The following JAKMIP3 variants were observed in gnomAD, a reference collection of about 807,000 sequenced individuals.
JAKMIP3 encodes janus kinase and microtubule-interacting protein 3.
JAKMIP3 carries 58 observed loss-of-function variants against 118.5 expected under a neutral mutation model. The ratio of observed to expected loss-of-function variants is 0.49; its 90% CI spans 0.40 to 0.61. JAKMIP3 has a LOEUF of 0.61. Ranked by LOEUF, JAKMIP3 falls within the 20% of genes least tolerant of loss-of-function variation. JAKMIP3 has a pLI of 0.00. For synonymous variants in JAKMIP3, 486 were observed against 451.2 expected, an observed-to-expected ratio of 1.08 and a Z score of -0.98; for missense variants, 950 against 1,109.0, an observed-to-expected ratio of 0.86 and a Z score of 2.04.
chr10:132,117,269 G>A lies in JAKMIP3; in HGVS notation c.328G>A (p.Asp110Asn). The A allele has an allele frequency of 1.2e-6, 2 of 1,613,964 alleles. No individual in the cohort carries two copies. Among genetic ancestry groups the A allele is most frequent in the Non-Finnish European group, 1.7e-6 (2 of 1,179,878 alleles). The part of the protein sequence containing the change: ...AELLRVIKIK[D>N]NENQRLQALL... The stretch of plus-strand genomic sequence containing the variant: ...GCTGCTCAGGGTCATCAAGATCAAG[G>A]ACAACGAGAACCAGCGGCTGCAGGC... Residue 110 changes from aspartate to asparagine, a missense_variant, in exon 3 of 24, where the codon GAC becomes AAC. Asp to Asn is a conservative substitution (Grantham distance 23). Transcript: ENST00000684848. This position sits in a 1 kb window ranked among gnomAD's most constrained non-coding sequence, Gnocchi z 8.6.
chr10:132,177,173 T>A (rs758124811), intron 23 of JAKMIP3, among the ~76,000 whole-genome samples: 19 of 152,216 alleles, frequency 1.2e-4, no homozygotes, highest in Non-Finnish European at 2.5e-4. Context: ...AATGCAACCA[T>A]CTTGGTTAAA....
At chr10:132,059,827 A>G (rs1449815980), upstream of JAKMIP3, among the ~76,000 whole-genome samples, 3 of 152,254 alleles carry the variant, frequency 2.0e-5, no homozygotes, top group Non-Finnish European at 4.4e-5. Context: ...ATTCCCAGAT[A>G]TAAGCTGACT....
At chr10:132,136,958 A>ACTGTGT (rs2135787315) in intron 6 of JAKMIP3, 61 bp from the exon 7 acceptor site, 1 of 1,567,690 alleles carries the variant, frequency 6.4e-7, no homozygotes. Flanking sequence ...CCGCCGACCC[A>ACTGTGT]CTGTGTTCAG....
intron 19 of JAKMIP3, among the ~76,000 whole-genome samples, chr10:132,160,949 G>A (rs1589994943): frequency 2.0e-4 from 1 of 4,968 alleles, no homozygotes; most frequent in Non-Finnish European, 3.6e-4. Flanking sequence ...ATGCTGGGTG[G>A]GCCTCTCCCT....
chr10:132,105,639 C>A (rs1457516881), intron 2 of JAKMIP3, among the ~76,000 whole-genome samples: 1 of 152,212 alleles, frequency 6.6e-6, no homozygotes, highest in Non-Finnish European at 1.5e-5. Context: ...TCTAGCATGA[C>A]CTTTGCCCTC....
At chr10:132,052,397 T>A (rs2038127280) in intron 1 of JAKMIP3, among the ~76,000 whole-genome samples, 1 of 152,240 alleles carries the variant, frequency 6.6e-6, no homozygotes, top group African/African-American at 2.4e-5. Context: ...TTTTCTTATG[T>A]AGATCTAGAT....
chr10:132,174,597 C>T (rs78581945), intron 23 of JAKMIP3, among the ~76,000 whole-genome samples: 22,435 of 152,124 alleles, frequency 0.15, 1,814 homozygotes, highest in Middle Eastern at 0.16. Context: ...GGTTTTTTCA[C>T]GAAAGCAAGT....
rs112852314 is a variant in JAKMIP3, at chr10:132,080,355, C to T, written c.-138+14294C>T. On this transcript the variant is annotated intron_variant, in intron 1 of 23. Coordinates refer to ENST00000684848, the MANE Select transcript of JAKMIP3 (RefSeq NM_001323087.2). ...GTGAGGTGGCGTTGCATAGTGGTTT[C>T]GATTTGCACTTTCCTGACAATTTGT... Among the ~76,000 whole-genome samples, 354 of 152,040 alleles carry T rather than the reference C, an allele frequency of 2.3e-3. 5 individuals are homozygous for T. The highest frequency in any genetic ancestry group is 8.1e-3 in the African/African-American group (336 of 41,462).
chr10:132,180,630 T>TGC (rs1356578436), intron 23 of JAKMIP3, among the ~76,000 whole-genome samples: 1 of 37,094 alleles, frequency 2.7e-5, no homozygotes, highest in African/African-American at 1.5e-4. Context: ...TGTGTGCGTG[T>TGC]GTGCGTGCGT....
intron 9 of JAKMIP3, among the ~76,000 whole-genome samples, chr10:132,139,220 A>C (rs1254272059): frequency 9.4e-6 from 1 of 106,470 alleles, no homozygotes; most frequent in East Asian, 3.4e-4. Context: ...GTATGTGTGT[A>C]CATGTGAGTG....
intron 9 of JAKMIP3, among the ~76,000 whole-genome samples, chr10:132,139,078 G>GTGTA (rs1388640482): frequency 2.8e-5 from 4 of 142,274 alleles, no homozygotes; most frequent in East Asian, 4.3e-4. Flanking sequence ...GTATGTGTAT[G>GTGTA]TGTGTGTGAG....
chr10:132,159,513 G>A (rs535676100), intron 19 of JAKMIP3, among the ~76,000 whole-genome samples: 4 of 142,454 alleles, frequency 2.8e-5, no homozygotes, highest in Non-Finnish European at 6.0e-5. Context: ...TGATGCTGGG[G>A]GTGTGTCTTC....
chr10:132,135,381 G>A (rs1456537316), intron 5 of JAKMIP3, among the ~76,000 whole-genome samples: 1 of 152,232 alleles, frequency 6.6e-6, no homozygotes, highest in Non-Finnish European at 1.5e-5. Flanking sequence ...CCCCTGCTCT[G>A]CGTTAGTGGG....
upstream of JAKMIP3, among the ~76,000 whole-genome samples, chr10:132,062,088 G>A (rs1057440682): frequency 2.6e-5 from 4 of 152,154 alleles, no homozygotes; most frequent in Non-Finnish European, 5.9e-5. Flanking sequence ...AGCCATGGAT[G>A]ATGAGCACGC....
chr10:132,150,547 C>T (rs1421228062), intron 16 of JAKMIP3, among the ~76,000 whole-genome samples: 1 of 152,172 alleles, frequency 6.6e-6, no homozygotes, highest in Non-Finnish European at 1.5e-5. Context: ...CTCTGCTCTC[C>T]ATCCATTTAT....
At chr10:132,076,382 A>AT (rs2134092967) in intron 1 of JAKMIP3, among the ~76,000 whole-genome samples, 1 of 152,372 alleles carries the variant, frequency 6.6e-6, no homozygotes, top group Admixed American at 6.5e-5. Context: ...TCACGTGGAT[A>AT]GACCGTTTTT....
chr10:132,077,516 A>T (rs1289105482), intron 1 of JAKMIP3, among the ~76,000 whole-genome samples: 1 of 152,212 alleles, frequency 6.6e-6, no homozygotes, highest in Non-Finnish European at 1.5e-5. Flanking sequence ...ACCATTTGGA[A>T]TTCAGCCCCT....
chr10:132,180,770 C>CGCGTGTGTGCGTGTGCGT (rs1554963478), intron 23 of JAKMIP3, among the ~76,000 whole-genome samples: 2 of 52,202 alleles, frequency 3.8e-5, no homozygotes, highest in Admixed American at 1.8e-4. Flanking sequence ...CGTGTGTGTG[C>CGCGTGTGTGCGTGTGCGT]GTGTGTGTGT....
chr10:132,086,534 G>A (rs1261206865), intron 1 of JAKMIP3, among the ~76,000 whole-genome samples: 8 of 152,070 alleles, frequency 5.3e-5, no homozygotes, highest in Admixed American at 5.2e-4. Context: ...ATAAATTTGA[G>A]AGCTCCAGTG....
Sources: allele counts gnomAD v4.1 joint callset (sites outside exome capture counted in the v4.1 genomes callset), GRCh38; gene constraint gnomAD v4.1.1; non-coding constraint Gnocchi (gnomAD v3.1); transcripts MANE v1.5; gene names NCBI Gene and HGNC (gene_info 2026-07-23, HGNC 2026-07-21).